The following C8orf34 variants were observed in gnomAD, a reference collection of about 807,000 sequenced individuals.
C8orf34 encodes the protein uncharacterized protein C8orf34.
C8orf34 carries 65 observed loss-of-function variants against 68.3 expected under a neutral mutation model. The ratio of observed to expected loss-of-function variants is 0.95; its 90% CI spans 0.78 to 1.17. The LOEUF (loss-of-function observed/expected upper bound fraction) is 1.17, where lower values mean the gene tolerates loss of function less well. Among genes scored for constraint, C8orf34 ranks in the 50% most tolerant of loss-of-function variants. The pLI is 0.00. For synonymous variants in C8orf34, 244 were observed against 241.2 expected (o/e 1.01, Z -0.11); for missense variants, 664 against 655.4 (o/e 1.01, Z -0.14).
chr8:68,343,134 A>G (rs1806139115), intron 1 of C8orf34, among the ~76,000 whole-genome samples: 2 of 152,218 alleles, frequency 1.3e-5, no homozygotes, highest in South Asian at 4.1e-4. Context: ...TCTAAATGCA[A>G]TTAGAAAATG....
At position 68,439,514 on chromosome 8, in the gene C8orf34, T is replaced by C; in HGVS notation, c.343T>C (p.Leu115=). Residue 115 remains leucine (L), a synonymous_variant, in exon 2 of 14, where the codon TTA becomes CTA. Coordinates refer to ENST00000518698, the MANE Select transcript of C8orf34 (RefSeq NM_052958.4). ...CTGCCTTCAGGAATTAATGACCAAG[T>C]TAATAACTGAGACACCTGACCAGCC... ...GPLFEELMTK[L]ITETPDQPIP... 6.2e-7 allele frequency: 1 copy of C among 1,613,440 alleles called. No homozygotes were observed. The highest frequency in any genetic ancestry group is 8.5e-7 in the Non-Finnish European group (1 of 1,179,676).
chr8:68,814,201 C>T (rs1016216655), intron 12 of C8orf34, among the ~76,000 whole-genome samples: 2 of 152,184 alleles, frequency 1.3e-5, no homozygotes, highest in Non-Finnish European at 2.9e-5. Flanking sequence ...TCAGCATCAA[C>T]ATCTCTTGGG....
chr8:68,476,258 C>T (rs763149378), intron 4 of C8orf34, among the ~76,000 whole-genome samples: 2 of 152,118 alleles, frequency 1.3e-5, no homozygotes, highest in African/African-American at 2.4e-5. Flanking sequence ...ATCATAGTTT[C>T]AAAGTCTTGT....
chr8:68,382,105 T>C (rs1045220241), intron 1 of C8orf34, among the ~76,000 whole-genome samples: 1 of 152,224 alleles, frequency 6.6e-6, no homozygotes, highest in Non-Finnish European at 1.5e-5. Context: ...CATAAGTACA[T>C]GATAACATAT....
chr8:68,625,402 G>A (rs1358615131), intron 7 of C8orf34: 1 of 495,642 alleles, frequency 2.0e-6, no homozygotes, highest in Non-Finnish European at 3.6e-6. Context: ...GAGGTTGTGA[G>A]GTGACAGAAT....
intron 8 of C8orf34, among the ~76,000 whole-genome samples, chr8:68,690,712 CA>C (rs1291522406): frequency 1.3e-5 from 2 of 151,964 alleles, no homozygotes; most frequent in East Asian, 1.9e-4. Flanking sequence ...TAAATTTTAT[CA>C]GGGGGAAACA....
At chr8:68,533,326 A>G in intron 7 of C8orf34, 177 bp downstream of exon 7, 1 of 1,372,644 alleles carries the variant, frequency 7.3e-7, no homozygotes, top group Non-Finnish European at 9.4e-7. Context: ...CTAAATTGAA[A>G]TACCCTAAGC....
chr8:68,503,207 G>A (rs1813853681), intron 5 of C8orf34, among the ~76,000 whole-genome samples: 1 of 151,938 alleles, frequency 6.6e-6, no homozygotes, highest in African/African-American at 2.4e-5. Flanking sequence ...AGATAAACAG[G>A]GATATTGGAA....
chr8:68,636,263 T>C (rs1818837816), intron 7 of C8orf34, among the ~76,000 whole-genome samples: 1 of 152,060 alleles, frequency 6.6e-6, no homozygotes, highest in Admixed American at 6.6e-5. Flanking sequence ...GCAGAGACTG[T>C]GGGTCAACGT....
At chr8:68,785,665 T>A (rs1023490654) in intron 11 of C8orf34, among the ~76,000 whole-genome samples, 20 of 152,236 alleles carry the variant, frequency 1.3e-4, no homozygotes, top group African/African-American at 4.3e-4. Context: ...CCATTCATTC[T>A]TGGATTCCCC....
At chr8:68,333,626 A>T (rs927538551) in intron 1 of C8orf34, among the ~76,000 whole-genome samples, 2 of 152,174 alleles carry the variant, frequency 1.3e-5, no homozygotes, top group African/African-American at 4.8e-5. Flanking sequence ...GACATTGTTG[A>T]CCTAGAGACC....
chr8:68,655,986 T>C (rs148063725), intron 8 of C8orf34, among the ~76,000 whole-genome samples: 5 of 152,330 alleles, frequency 3.3e-5, no homozygotes, highest in African/African-American at 7.2e-5. Context: ...TAAATTGTTC[T>C]TTTGGACCTT....
chr8:68,408,653 A>G (rs1036999768), intron 1 of C8orf34, among the ~76,000 whole-genome samples: 3 of 152,188 alleles, frequency 2.0e-5, no homozygotes, highest in African/African-American at 7.2e-5. Context: ...TGAACTGCAC[A>G]TATGACAGTG....
intron 7 of C8orf34, among the ~76,000 whole-genome samples, chr8:68,565,819 C>T (rs1816571087): frequency 6.6e-6 from 1 of 152,108 alleles, no homozygotes; most frequent in Non-Finnish European, 1.5e-5. Flanking sequence ...TAATTCTAGA[C>T]TTCCTAGAAA....
chr8:68,535,425 G>C, intron 7 of C8orf34: 1 of 981,860 alleles, frequency 1.0e-6, no homozygotes, highest in Non-Finnish European at 1.2e-6. Context: ...TGTAAACCTT[G>C]TGAAGTGATA....
At chr8:68,381,797 T>C (rs1808053411) in intron 1 of C8orf34, among the ~76,000 whole-genome samples, 1 of 149,474 alleles carries the variant, frequency 6.7e-6, no homozygotes, top group Non-Finnish European at 1.5e-5. Flanking sequence ...TTGAGGATGA[T>C]GTGTGTGCAT....
intron 1 of C8orf34, among the ~76,000 whole-genome samples, chr8:68,342,665 A>G (rs1334738489): frequency 6.6e-6 from 1 of 152,166 alleles, no homozygotes. Flanking sequence ...GGTGTGAATC[A>G]TTCCTTTGTC....
chr8:68,614,031 T>G (rs1818112396), intron 7 of C8orf34, among the ~76,000 whole-genome samples: 1 of 152,254 alleles, frequency 6.6e-6, no homozygotes, highest in Admixed American at 6.5e-5. Flanking sequence ...TGCATTTCTC[T>G]GATGGCCAGT....
intron 6 of C8orf34, among the ~76,000 whole-genome samples, 177 bp downstream of exon 6, chr8:68,522,148 A>G (rs1157871242): frequency 6.6e-6 from 1 of 152,184 alleles, no homozygotes; most frequent in East Asian, 1.9e-4. Flanking sequence ...AGAGTTTCAG[A>G]CCTGCTTTGG....
Sources: allele counts gnomAD v4.1 joint callset (sites outside exome capture counted in the v4.1 genomes callset), GRCh38; gene constraint gnomAD v4.1.1; transcripts MANE v1.5; gene names NCBI Gene and HGNC (gene_info 2026-07-23, HGNC 2026-07-21).